The following LHCGR variants were observed in gnomAD, a reference collection of about 807,000 sequenced individuals.
LHCGR encodes the protein lutropin-choriogonadotropic hormone receptor.
A neutral mutation model predicts 60.7 loss-of-function variants in LHCGR; 55 were observed. The observed-to-expected ratio is 0.91, with a 90% CI of 0.73 to 1.13. The LOEUF (loss-of-function observed/expected upper bound fraction) is 1.13. Ranked by LOEUF, LHCGR falls within the 50% of genes most tolerant of loss-of-function variation. The pLI, the probability that LHCGR is intolerant of heterozygous loss-of-function variation, is 0.00. For missense variants in LHCGR, 862 were observed against 836.0 expected, an observed-to-expected ratio of 1.03 and a Z score of -0.38; for synonymous variants, 337 against 316.5, an observed-to-expected ratio of 1.06 and a Z score of -0.69.
In LHCGR at chr2:48,688,239, C is replaced by G; in HGVS notation, c.1558G>C (p.Glu520Gln). 1 of 1,614,102 alleles carries G rather than the reference C, an allele frequency of 6.2e-7. No homozygotes were observed. Among genetic ancestry groups the G allele is most frequent in the Admixed American group, 1.7e-5 (1 of 60,012 alleles). Residue 520 changes from glutamate (E) to glutamine (Q), a missense_variant, in exon 11 of 11, where the codon GAA (glutamate) becomes CAA (glutamine). By Grantham distance (29) the Glu-to-Gln change is conservative (BLOSUM62 2). Transcript: ENST00000294954. The surrounding 1 kb of genome is among the most constrained non-coding windows in gnomAD (Gnocchi z 5.2). ...KVSICFPMDV[E>Q]TTLSQVYILT... The stretch of plus-strand genomic sequence containing the variant: ...ATATAGACTTGTGAGAGAGTGGTTT[C>G]CACATCCATGGGGAAGCAAATACTG...
chr2:48,739,175 A>G (rs867376490), intron 1 of LHCGR, among the ~76,000 whole-genome samples: 17 of 152,212 alleles, frequency 1.1e-4, no homozygotes, highest in African/African-American at 4.1e-4. Flanking sequence ...GATGCTGGAG[A>G]GGATGTGGAG....
Position 48,687,170 on chromosome 2 carries a change from T to C in LHCGR, c.*527A>G, listed in dbSNP as rs778492127. On this transcript the variant is annotated 3_prime_UTR_variant, in exon 11 of 11. Transcript: ENST00000294954. ...GGTAAGCACTAGTCACACGTAGCCA[T>C]TGAGAACTTGAAACGTGGCTAGTGC... 5 of 158,782 alleles carry C rather than the reference T, an allele frequency of 3.1e-5. No homozygotes were observed. The highest frequency in any genetic ancestry group is 5.5e-5 in the Non-Finnish European group (4 of 72,078). 9.8% of individuals were successfully genotyped at this position (158,782 alleles called of 1,614,324 possible).
chr2:48,711,971 C>G (rs888190655), intron 7 of LHCGR, among the ~76,000 whole-genome samples: 1 of 152,050 alleles, frequency 6.6e-6, no homozygotes, highest in Admixed American at 6.6e-5. Flanking sequence ...CATCTAAGGC[C>G]CTTCCTGTTT....
intron 4 of LHCGR, 99 bp downstream of exon 4, chr2:48,725,577 A>G (rs1212285196): frequency 2.4e-6 from 2 of 850,908 alleles, no homozygotes; most frequent in East Asian, 4.9e-5. Flanking sequence ...AGTGCCATGT[A>G]TATGGTTAAA....
chr2:48,739,139 G>A (rs947733191), intron 1 of LHCGR, among the ~76,000 whole-genome samples: 4 of 152,164 alleles, frequency 2.6e-5, no homozygotes, highest in Non-Finnish European at 5.9e-5. Flanking sequence ...TTAGAATGGC[G>A]ATCATTAAAA....
At chr2:48,752,693 C>G (rs778525646) in intron 1 of LHCGR, among the ~76,000 whole-genome samples, 2 of 152,030 alleles carry the variant, frequency 1.3e-5, no homozygotes, top group Non-Finnish European at 2.9e-5. Context: ...TTCCTTTACC[C>G]ATAGGTCTTC....
chr2:48,735,525 C>G (rs1334509858), intron 1 of LHCGR, among the ~76,000 whole-genome samples: 1 of 152,190 alleles, frequency 6.6e-6, no homozygotes, highest in African/African-American at 2.4e-5. Flanking sequence ...TGTATCTCTA[C>G]CCCTTAGGGA....
At chr2:48,703,966 A>G (rs1189591910) in intron 8 of LHCGR, among the ~76,000 whole-genome samples, 1 of 152,172 alleles carries the variant, frequency 6.6e-6, no homozygotes, top group Non-Finnish European at 1.5e-5. Context: ...GTCTTGTGCC[A>G]GTTTTCAAAG....
intron 10 of LHCGR, among the ~76,000 whole-genome samples, chr2:48,689,334 C>T (rs1680087165): frequency 6.6e-6 from 1 of 152,086 alleles, no homozygotes; most frequent in Admixed American, 6.6e-5. Context: ...TTGGCATTTT[C>T]TTAACTATTT....
In LHCGR at chr2:48,709,042, C is replaced by T. The variant is rs1410065304; in HGVS notation, c.606-20G>A. 1 of 1,602,960 alleles carries T rather than the reference C, an allele frequency of 6.2e-7. No homozygotes were observed. The highest frequency in any genetic ancestry group is 8.5e-7 in the Non-Finnish European group (1 of 1,169,784). On this transcript the variant is annotated intron_variant, in intron 7 of 10. Coordinates refer to ENST00000294954, the MANE Select transcript of LHCGR (RefSeq NM_000233.4). ...AGCTCCCTGTGGGGAAGGATATTGCCCTTAGTGGAGTTTGTACCTCATGTG... is the reference window on the plus strand; with the variant it reads ...AGCTCCCTGTGGGGAAGGATATTGCTCTTAGTGGAGTTTGTACCTCATGTG...
chr2:48,738,869 A>G (rs1669314060), intron 1 of LHCGR, among the ~76,000 whole-genome samples: 1 of 152,232 alleles, frequency 6.6e-6, no homozygotes, highest in African/African-American at 2.4e-5. Flanking sequence ...TTAATTTCAC[A>G]TTTTGAAAAC....
At chr2:48,727,730 T>C (rs936593475) in intron 3 of LHCGR, among the ~76,000 whole-genome samples, 2 of 152,252 alleles carry the variant, frequency 1.3e-5, no homozygotes, top group African/African-American at 2.4e-5. Flanking sequence ...GATTTCTCTG[T>C]AATTGGTGAG....
At chr2:48,689,955 C>T (rs1339728392) in intron 10 of LHCGR, among the ~76,000 whole-genome samples, 2 of 152,180 alleles carry the variant, frequency 1.3e-5, no homozygotes, top group Admixed American at 1.3e-4. Context: ...ACCTCGTGAT[C>T]TGCCCGCCTC....
At chr2:48,731,113 TCC>T in intron 2 of LHCGR, 112 bp downstream of exon 2, 1 of 704,568 alleles carries the variant, frequency 1.4e-6, no homozygotes, top group Non-Finnish European at 2.5e-6. Flanking sequence ...TATGTGAGTA[TCC>T]TAAACACAAT....
In LHCGR at chr2:48,754,974, C is replaced by T. The variant is rs187537473; in HGVS notation, c.161+537G>A. On this transcript the variant is annotated intron_variant, in intron 1 of 10. Transcript: ENST00000294954. ...ACTGAAGTTCAAGCACATCTGGGCA[C>T]GGTGGAGCAGCGGCTTGTGTGCTCA... 2.4e-3 allele frequency among the ~76,000 whole-genome samples: 365 copies of T among 152,184 alleles called. 1 individual carries two copies. Among genetic ancestry groups the T allele is most frequent in the African/African-American group, 8.4e-3 (347 of 41,524 alleles).
At chr2:48,740,809 T>C (rs1669414074) in intron 1 of LHCGR, among the ~76,000 whole-genome samples, 1 of 152,214 alleles carries the variant, frequency 6.6e-6, no homozygotes, top group African/African-American at 2.4e-5. Context: ...AGGAACGCAG[T>C]TTCTCACCAG....
At position 48,687,059 on chromosome 2, in the gene LHCGR, A is replaced by G. The variant is rs1342067681; in HGVS notation, c.*638T>C. ...TAAATTATAAATAAGTAGAATCCAG[A>G]TAGGGCATAGATAAAAGTCTCTATA... On this transcript the variant is annotated 3_prime_UTR_variant, in exon 11 of 11. Transcript: ENST00000294954. 1 of 152,222 alleles carries G rather than the reference A, an allele frequency of 6.6e-6. No individual in the cohort carries two copies. Among genetic ancestry groups the G allele is most frequent in the Non-Finnish European group, 1.5e-5 (1 of 68,068 alleles). 9.4% of individuals were successfully genotyped at this position (152,222 alleles called of 1,614,324 possible).
chr2:48,743,827 G>C (rs920475568), intron 1 of LHCGR, among the ~76,000 whole-genome samples: 1 of 151,936 alleles, frequency 6.6e-6, no homozygotes, highest in Non-Finnish European at 1.5e-5. Context: ...CAACATAGTG[G>C]TGGAAGTTCT....
intron 1 of LHCGR, among the ~76,000 whole-genome samples, chr2:48,750,885 C>G (rs1669926675): frequency 6.6e-6 from 1 of 152,184 alleles, no homozygotes; most frequent in Non-Finnish European, 1.5e-5. Context: ...AGGCAGCGCT[C>G]CTGGCCAGGG....
Sources: allele counts gnomAD v4.1 joint callset (sites outside exome capture counted in the v4.1 genomes callset), GRCh38; gene constraint gnomAD v4.1.1; non-coding constraint Gnocchi (gnomAD v3.1); transcripts MANE v1.5; gene names NCBI Gene and HGNC (gene_info 2026-07-23, HGNC 2026-07-21).